NEMF: variants seen among roughly 807,000 people sequenced by gnomAD.
The protein encoded by NEMF is nuclear export mediator factor.
NEMF carries 89 observed loss-of-function variants against 162.2 expected under a neutral mutation model. The observed-to-expected ratio is 0.55, with a 90% CI of 0.46 to 0.65. The LOEUF (loss-of-function observed/expected upper bound fraction) is 0.65, where lower values mean the gene tolerates loss of function less well. NEMF is among the 30% of genes least tolerant of loss of function. The pLI, the probability that NEMF is intolerant of heterozygous loss-of-function variation, is 0.00. For synonymous variants in NEMF, 421 were observed against 404.5 expected (o/e 1.04, Z -0.49); for missense variants, 1,133 against 1,261.9 (o/e 0.90, Z 1.55).
chr14:49,794,145 T>C (rs1890579952), intron 26 of NEMF, among the ~76,000 whole-genome samples: 1 of 152,244 alleles, frequency 6.6e-6, no homozygotes, highest in Non-Finnish European at 1.5e-5. Flanking sequence ...GCTATTCCTA[T>C]GTTAATAACA....
At chr14:49,844,196 G>C in intron 4 of NEMF, among the ~76,000 whole-genome samples, 1 of 152,166 alleles carries the variant, frequency 6.6e-6, no homozygotes, top group East Asian at 1.9e-4. Context: ...CCATGGATGG[G>C]GGGTGCAGGG....
intron 17 of NEMF, 139 bp downstream of exon 17, chr14:49,814,615 A>G (rs183708587): frequency 3.6e-6 from 2 of 562,104 alleles, no homozygotes; most frequent in Admixed American, 7.5e-5. Flanking sequence ...GCAACAAACC[A>G]TGAAGCATCA....
chr14:49,846,710 C>CT (rs1433081889), intron 3 of NEMF, among the ~76,000 whole-genome samples: 1 of 152,246 alleles, frequency 6.6e-6, no homozygotes, highest in East Asian at 1.9e-4. Context: ...AGCAATCCTC[C>CT]TGCCTTGGCC....
At position 49,802,544 on chromosome 14, in the gene NEMF, C is replaced by G. The variant is rs1891005098; in HGVS notation, c.2004G>C (p.Gln668His). 3.7e-6 allele frequency: 6 copies of G among 1,613,962 alleles called. No homozygotes were observed. In the East Asian group the frequency reaches 1.1e-4, roughly 30 times the overall value. The change falls in exon 22 of 33, where the codon CAG (glutamine) becomes CAC (histidine). Residue 668 changes from glutamine (Q) to histidine (H), a missense_variant. By Grantham distance (24) the Gln-to-His change is conservative. Around this residue, in one of 3 missense-constraint regions of NEMF, gnomAD observed 532 missense variants for 578.6 expected, o/e 0.92. Transcript: ENST00000298310. The part of the protein sequence containing the change: ...KVDESCVWRH[Q>H]GERKVRVQDE... The stretch of plus-strand genomic sequence containing the variant: ...CCTGTACTCTGACTTTTCGTTCACC[C>G]TGATGTCTCCAAACACAAGACTCAT...
At chr14:49,821,686 G>T (rs1247056297) in intron 16 of NEMF, among the ~76,000 whole-genome samples, 4 of 135,832 alleles carry the variant, frequency 2.9e-5, no homozygotes, top group African/African-American at 5.4e-5. Context: ...GAGGGAGGTG[G>T]GGGGCTCAGC....
At chr14:49,803,575 A>C (rs913064105) in intron 19 of NEMF, among the ~76,000 whole-genome samples, 7 of 151,384 alleles carry the variant, frequency 4.6e-5, no homozygotes, top group African/African-American at 1.7e-4. Context: ...GCCCAAGCTG[A>C]AGTGCAGTGG....
intron 23 of NEMF, among the ~76,000 whole-genome samples, chr14:49,799,994 A>G (rs1354298821): frequency 2.0e-5 from 3 of 152,234 alleles, no homozygotes; most frequent in Non-Finnish European, 4.4e-5. Flanking sequence ...AAGCTTAAGC[A>G]CAAAGTAATT....
At chr14:49,802,921 T>C (rs751515121) in intron 20 of NEMF, among the ~76,000 whole-genome samples, 194 bp from the exon 21 acceptor site, 2 of 152,172 alleles carry the variant, frequency 1.3e-5, no homozygotes, top group African/African-American at 2.4e-5. Flanking sequence ...GTAAAAAATA[T>C]ACACACTTGC....
At position 49,833,453 on chromosome 14, in the gene NEMF, A is replaced by G. The variant is rs1226631650; in HGVS notation, c.705T>C (p.Tyr235=). The change falls in exon 8 of 33, where the codon TAT becomes TAC. Residue 235 remains tyrosine, a synonymous_variant. Transcript: ENST00000298310. ...VLVSLQKAED[Y]MKTTSNFSGK... ...CACTGAAGTTGGATGTTGTTTTCAT[A>G]TAGTCTTCTGCTTTCTGCAGAGAAA... The G allele has an allele frequency of 1.3e-6, 2 of 1,588,132 alleles. No homozygotes were observed. The highest frequency in any genetic ancestry group is 2.7e-5 in the African/African-American group (2 of 74,660).
chr14:49,847,218 T>G (rs1364669701), intron 3 of NEMF, among the ~76,000 whole-genome samples: 1 of 151,902 alleles, frequency 6.6e-6, no homozygotes, highest in Non-Finnish European at 1.5e-5. Context: ...TTTATTTATT[T>G]GGAGACGGAG....
chr14:49,813,065 G>A (rs965495656), intron 18 of NEMF, among the ~76,000 whole-genome samples: 52 of 152,068 alleles, frequency 3.4e-4, no homozygotes, highest in African/African-American at 9.4e-4. Flanking sequence ...GTGAGTCACC[G>A]CATCCAGCCG....
At chr14:49,851,995 G>T in intron 1 of NEMF, 120 bp from the exon 2 acceptor site, 1 of 617,266 alleles carries the variant, frequency 1.6e-6, no homozygotes, top group Non-Finnish European at 2.8e-6. Flanking sequence ...GGAGTCAGCC[G>T]AGGAGCAGAG....
Position 49,852,714 on chromosome 14 carries a change from G to C in NEMF, c.40C>G (p.Leu14Val), listed in dbSNP as rs370578647. Residue 14 changes from leucine (L) to valine (V), a missense_variant, in exon 1 of 33, where the codon CTC (leucine) becomes GTC (valine). This residue lies in a region of NEMF where 582 missense variants were observed against 631.5 expected (regional missense o/e 0.92). Transcript: ENST00000298310. ...RFSTIDLRAV[L>V]AELNASLLGM... ...CTGTACCTAGCATTCAGCTCCGCGA[G>C]TACGGCGCGGAGGTCAATGGTGCTA... The C allele has an allele frequency of 1.9e-6, 3 of 1,614,136 alleles. No individual in the cohort carries two copies. Among genetic ancestry groups the C allele is most frequent in the Non-Finnish European group, 2.5e-6 (3 of 1,180,042 alleles).
chr14:49,816,146 G>A (rs1358613249), intron 16 of NEMF, among the ~76,000 whole-genome samples: 1 of 151,842 alleles, frequency 6.6e-6, no homozygotes, highest in Non-Finnish European at 1.5e-5. Flanking sequence ...TTTTTGTTGC[G>A]GGAAGTCAGG....
At chr14:49,786,959 G>A (rs1387570434) in intron 28 of NEMF, 2 of 499,900 alleles carry the variant, frequency 4.0e-6, no homozygotes, top group Non-Finnish European at 7.1e-6. Flanking sequence ...ACTTAAGAAA[G>A]TAATGTCATT....
At chr14:49,828,541 T>C (rs1014399175) in intron 14 of NEMF, 75 bp downstream of exon 14, 1 of 1,292,264 alleles carries the variant, frequency 7.7e-7, no homozygotes, top group Non-Finnish European at 1.1e-6. Flanking sequence ...AAATTTAAAA[T>C]TTTTTAAAAT....
intron 5 of NEMF, among the ~76,000 whole-genome samples, chr14:49,840,447 G>A (rs1893142451): frequency 7.9e-6 from 1 of 127,272 alleles, no homozygotes; most frequent in African/African-American, 3.1e-5. Flanking sequence ...GAGCAACAGA[G>A]CGAGACTCCA....
At position 49,782,322 on chromosome 14, in the gene NEMF, C is replaced by T; in HGVS notation, c.*2314G>A. The T allele has an allele frequency of 1.6e-6, 2 of 1,288,884 alleles. No individual in the cohort carries two copies. The highest frequency in any genetic ancestry group is 2.2e-6 in the Non-Finnish European group (2 of 899,192). The allele number at this position is 1,288,884 out of a possible 1,614,324, so 79.8% of individuals were successfully genotyped here. A position where few individuals can be genotyped will look rare whatever the true frequency, so the allele number is the denominator to read the frequency against. ...GCTCTATTCTGTAGTATAAAATGGC[C>T]AACTGGTGTTCTGGGTGGCTTCAAA... On this transcript the variant is annotated 3_prime_UTR_variant, in exon 33 of 33. Transcript: ENST00000298310.
At chr14:49,813,247 G>A (rs117636939) in intron 18 of NEMF, among the ~76,000 whole-genome samples, 49 of 152,228 alleles carry the variant, frequency 3.2e-4, no homozygotes, top group East Asian at 3.9e-4. Context: ...TGCTAGAAAC[G>A]TTTTGCAGCA....
Sources: gnomAD v4.1 joint callset for allele counts (sites outside exome capture counted in the v4.1 genomes callset) on GRCh38, gnomAD v4.1.1 for gene constraint, gnomAD v4.1.1 regional missense constraint, MANE v1.5 for transcripts, NCBI Gene and HGNC (gene_info 2026-07-23, HGNC 2026-07-21) for gene names.